Variants in SCN11A observed in about 807,000 individuals in gnomAD.
The protein encoded by SCN11A is sodium voltage-gated channel alpha subunit 11.
In SCN11A, 122 loss-of-function variants were observed where a neutral mutation model predicts 162.2. The ratio of observed to expected loss-of-function variants is 0.75; its 90% CI spans 0.65 to 0.87. The LOEUF is 0.87. Ranked by LOEUF, SCN11A falls within the 40% of genes least tolerant of loss-of-function variation. The probability of loss-of-function intolerance (pLI) is 0.00; values close to 1 mark genes in which losing one functional copy is unlikely to be tolerated. For synonymous variants in SCN11A, 758 were observed against 751.5 expected (o/e 1.01, Z -0.14); for missense variants, 2,015 against 2,181.6 (o/e 0.92, Z 1.52).
At chr3:38,949,780 C>A (rs1170165624) in intron 5 of SCN11A, among the ~76,000 whole-genome samples, 1 of 152,120 alleles carries the variant, frequency 6.6e-6, no homozygotes, top group Non-Finnish European at 1.5e-5. Flanking sequence ...ATTGAAATGG[C>A]CTGTATCTAA....
intron 2 of SCN11A, among the ~76,000 whole-genome samples, chr3:38,961,971 G>A (rs1024309113): frequency 1.3e-5 from 2 of 152,152 alleles, no homozygotes; most frequent in African/African-American, 4.8e-5. Context: ...ATTTTCCAAC[G>A]TTGTCTTCTA....
At chr3:39,039,754 C>T (rs1404274905) in intron 1 of SCN11A, among the ~76,000 whole-genome samples, 2 of 152,030 alleles carry the variant, frequency 1.3e-5, no homozygotes, top group African/African-American at 2.4e-5. Flanking sequence ...TATGCATGGG[C>T]ACCCCTAGAG....
chr3:39,044,441 C>T (rs865973609), intron 1 of SCN11A, among the ~76,000 whole-genome samples: 12 of 152,134 alleles, frequency 7.9e-5, no homozygotes, highest in Middle Eastern at 3.2e-3. Context: ...AGTCTCAACA[C>T]ATTTTTTAAA....
At chr3:38,899,841 T>G in intron 17 of SCN11A, 53 bp downstream of exon 17, 2 of 1,499,676 alleles carry the variant, frequency 1.3e-6, no homozygotes, top group East Asian at 2.3e-5. Flanking sequence ...ACTCAAAACG[T>G]TTTTTCCACT....
chr3:38,896,540 C>A (rs916331531), intron 18 of SCN11A, among the ~76,000 whole-genome samples: 1 of 152,100 alleles, frequency 6.6e-6, no homozygotes, highest in African/African-American at 2.4e-5. Flanking sequence ...ATCCTATTGA[C>A]CAAATTAACT....
At chr3:39,012,486 C>G (rs573089899) in intron 2 of SCN11A, among the ~76,000 whole-genome samples, 3 of 121,356 alleles carry the variant, frequency 2.5e-5, no homozygotes, top group Non-Finnish European at 5.1e-5. Flanking sequence ...TTCTCTCTTT[C>G]TTTTTTTTTT....
chr3:38,927,065 CA>C, intron 7 of SCN11A, 134 bp from the exon 8 acceptor site: 1 of 834,206 alleles, frequency 1.2e-6, no homozygotes, highest in Non-Finnish European at 1.9e-6. Flanking sequence ...TTCAGCAAAC[CA>C]GAGTTCAAAA....
chr3:38,899,740 T>C (rs1357384325), intron 17 of SCN11A, among the ~76,000 whole-genome samples, 154 bp downstream of exon 17: 1 of 152,152 alleles, frequency 6.6e-6, no homozygotes, highest in East Asian at 1.9e-4. Flanking sequence ...TGCAAGACTA[T>C]TAAAGACCTG....
intron 2 of SCN11A, among the ~76,000 whole-genome samples, chr3:39,018,672 G>T (rs1336388759): frequency 6.6e-6 from 1 of 152,024 alleles, no homozygotes; most frequent in Non-Finnish European, 1.5e-5. Context: ...CAAAAAATTA[G>T]CCAGGTGTGG....
chr3:39,027,223 T>C (rs1559578832), intron 2 of SCN11A, among the ~76,000 whole-genome samples: 2 of 152,194 alleles, frequency 1.3e-5, no homozygotes, highest in Non-Finnish European at 2.9e-5. Flanking sequence ...CATGGGGGAT[T>C]TTCCTTTACT....
chr3:38,851,913 G>C (rs2064786892), intron 28 of SCN11A, among the ~76,000 whole-genome samples: 1 of 152,202 alleles, frequency 6.6e-6, no homozygotes, highest in African/African-American at 2.4e-5. Flanking sequence ...CTTTGAGAAA[G>C]TTAAGACTGA....
At position 38,894,680 on chromosome 3, in the gene SCN11A, C is replaced by A. The variant is rs748188321; in HGVS notation, c.2688G>T (p.Glu896Asp). ...TTGGTACAGAGGTTAGTATACCAAG[C>A]TCCTCCTGGGTCTCTGAGCCCCTTT... is the stretch of plus-strand genomic sequence containing the variant. ...EMKRGSETQE[E>D]LGILTSVPKT... The change falls in exon 19 of 30, where the codon GAG becomes GAT. Residue 896 changes from glutamate to aspartate, a missense_variant. By Grantham distance (45) the Glu-to-Asp change is conservative. Transcript: ENST00000302328. 62 of 1,614,042 alleles carry A rather than the reference C, an allele frequency of 3.8e-5. No individual in the cohort carries two copies. In the Admixed American group the frequency reaches 1.0e-3, roughly 26 times the overall value.
chr3:38,877,144 G>A (rs28836867), intron 23 of SCN11A, among the ~76,000 whole-genome samples: 2 of 81,352 alleles, frequency 2.5e-5, no homozygotes, highest in Non-Finnish European at 4.7e-5. Flanking sequence ...CTATATATAT[G>A]GTATATATAT....
intron 10 of SCN11A, among the ~76,000 whole-genome samples, chr3:38,920,414 C>T (rs925229612): frequency 6.6e-6 from 1 of 152,072 alleles, no homozygotes; most frequent in African/African-American, 2.4e-5. Context: ...TGTTGTTGGC[C>T]GGGCATGGTG....
intron 19 of SCN11A, among the ~76,000 whole-genome samples, chr3:38,887,289 T>C (rs929544187): frequency 2.0e-5 from 3 of 151,698 alleles, no homozygotes; most frequent in South Asian, 2.1e-4. Flanking sequence ...GCAGGATCCA[T>C]GATGGCACCA....
At chr3:39,003,656 T>A (rs2030882711) in intron 2 of SCN11A, among the ~76,000 whole-genome samples, 1 of 152,184 alleles carries the variant, frequency 6.6e-6, no homozygotes, top group Non-Finnish European at 1.5e-5. Flanking sequence ...CAACAGTGTA[T>A]GTGTTCCCTT....
Position 38,905,295 on chromosome 3 carries a change from T to C in SCN11A, c.1500A>G (p.Arg500=), listed in dbSNP as rs1226548733. 2 of 1,613,920 alleles carry C rather than the reference T, an allele frequency of 1.2e-6. No homozygotes were observed. The highest frequency in any genetic ancestry group is 1.7e-5 in the Admixed American group (1 of 59,988). ...GGTCCAGTGATAGATTCTGGGACAG[T>C]CGTTTGGTTTGCTCTAGGAGCTGTG... The part of the protein sequence containing the change: ...KKPQLLEQTK[R]LSQNLSLDHF... Residue 500 remains arginine (R), a synonymous_variant, in exon 15 of 30, where the codon CGA becomes CGG. Coordinates refer to ENST00000302328, the MANE Select transcript of SCN11A (RefSeq NM_001349253.2).
intron 17 of SCN11A, among the ~76,000 whole-genome samples, chr3:38,897,836 T>G (rs536449818): frequency 2.6e-5 from 4 of 152,336 alleles, no homozygotes; most frequent in Non-Finnish European, 5.9e-5. Context: ...GAATTATATG[T>G]AATATACCAA....
intron 2 of SCN11A, among the ~76,000 whole-genome samples, chr3:39,016,767 T>C (rs1191940038): frequency 6.6e-6 from 1 of 152,066 alleles, no homozygotes; most frequent in Non-Finnish European, 1.5e-5. Context: ...CATGCCAGGC[T>C]AATTTTTGTA....
Sources: allele counts gnomAD v4.1 joint callset (sites outside exome capture counted in the v4.1 genomes callset), GRCh38; gene constraint gnomAD v4.1.1; transcripts MANE v1.5; gene names NCBI Gene and HGNC (gene_info 2026-07-23, HGNC 2026-07-21).